Variants in CPSF2 observed in about 807,000 individuals in gnomAD.
The protein encoded by CPSF2 is cleavage and polyadenylation specific factor 2.
CPSF2 carries 51 observed loss-of-function variants against 84.2 expected under a neutral mutation model. That is an observed-to-expected ratio of 0.61 (90% CI 0.48 to 0.77). The LOEUF (loss-of-function observed/expected upper bound fraction) is 0.77, where lower values mean the gene tolerates loss of function less well. Among genes scored for constraint, CPSF2 ranks in the 30% least tolerant of loss-of-function variants. CPSF2 has a pLI of 0.00. For missense variants in CPSF2, 641 were observed against 929.4 expected (o/e 0.69, Z 4.03); for synonymous variants, 286 against 311.9 (o/e 0.92, Z 0.87).
intron 14 of CPSF2, among the ~76,000 whole-genome samples, chr14:92,160,498 A>T (rs2069357602): frequency 6.6e-6 from 1 of 152,230 alleles, no homozygotes; most frequent in South Asian, 2.1e-4. Flanking sequence ...GAATAGAGAG[A>T]CAGCCTCTGT....
intron 7 of CPSF2, 24 bp from the exon 8 acceptor site, chr14:92,142,140 G>C: frequency 6.4e-7 from 1 of 1,554,118 alleles, no homozygotes; most frequent in Non-Finnish European, 8.8e-7. Flanking sequence ...CGTTCTATGG[G>C]GATTTTACAT....
chr14:92,129,217 G>C (rs973313293), intron 2 of CPSF2, among the ~76,000 whole-genome samples: 3 of 152,092 alleles, frequency 2.0e-5, no homozygotes, highest in Non-Finnish European at 4.4e-5. Context: ...TGAGGGAACA[G>C]CCAGGTACCT....
chr14:92,134,797 C>T (rs2068977864), intron 5 of CPSF2, among the ~76,000 whole-genome samples: 1 of 152,120 alleles, frequency 6.6e-6, no homozygotes, highest in Non-Finnish European at 1.5e-5. Context: ...AAGTCCTATA[C>T]TAAGTCTATA....
rs1458998846 is a variant in CPSF2, at chr14:92,126,829, T to C, written c.-35+649T>C. On this transcript the variant is annotated intron_variant, in intron 2 of 15. Transcript: ENST00000298875. ...AGGAAACAAAAACAAGTCAATATATTTTAAATTTTAACTTACCAACAGTTA... is the reference window on the plus strand; with the variant it reads ...AGGAAACAAAAACAAGTCAATATATCTTAAATTTTAACTTACCAACAGTTA... Among the ~76,000 whole-genome samples, 3 of 152,182 alleles carry C rather than the reference T, an allele frequency of 2.0e-5. No homozygotes were observed. In the East Asian group the frequency reaches 5.8e-4, roughly 29 times the overall value.
chr14:92,122,896 C>T (rs1223625333), intron 1 of CPSF2, among the ~76,000 whole-genome samples: 1 of 150,530 alleles, frequency 6.6e-6, no homozygotes, highest in Admixed American at 6.6e-5. Flanking sequence ...ACTATGTTGC[C>T]CAGGCCGGTG....
In CPSF2 at chr14:92,155,128, A is replaced by G; in HGVS notation, c.1247A>G (p.Asp416Gly). The G allele has an allele frequency of 4.3e-6, 7 of 1,610,722 alleles. No individual in the cohort carries two copies. Among genetic ancestry groups the G allele is most frequent in the Non-Finnish European group, 5.9e-6 (7 of 1,176,914 alleles). Residue 416 changes from aspartate (D) to glycine (G), a missense_variant, in exon 11 of 16, where the codon GAT (aspartate) becomes GGT (glycine). By Grantham distance (94) the Asp-to-Gly change is moderately conservative. Transcript: ENST00000298875. Reference protein sequence around the residue: ...AKKLEQSKEADIDSSDESDIE... With the variant: ...AKKLEQSKEAGIDSSDESDIE... Reference sequence around the variant, plus strand: ...CTATTCTAAAATCCTCCTAGGGCAGATATAGATTCCAGTGATGAGAGTGAT... The same window carrying G: ...CTATTCTAAAATCCTCCTAGGGCAGGTATAGATTCCAGTGATGAGAGTGAT...
At chr14:92,154,607 C>T (rs2069264935) in intron 10 of CPSF2, 149 bp downstream of exon 10, 2 of 567,452 alleles carry the variant, frequency 3.5e-6, no homozygotes, top group Non-Finnish European at 3.2e-6. Context: ...AATACCAGAT[C>T]CTGTCAGTGC....
At chr14:92,133,719 G>A (rs986649652) in intron 3 of CPSF2, among the ~76,000 whole-genome samples, 7 of 151,804 alleles carry the variant, frequency 4.6e-5, no homozygotes, top group African/African-American at 1.7e-4. Flanking sequence ...GCCTGCCTTG[G>A]CCTCCCTAAG....
chr14:92,154,194 A>G, intron 9 of CPSF2, 164 bp from the exon 10 acceptor site: 1 of 524,040 alleles, frequency 1.9e-6, no homozygotes, highest in Admixed American at 3.3e-5. Context: ...TAATCTAAAT[A>G]GGACCTATAA....
chr14:92,157,816 GATATT>G lies in CPSF2; in HGVS notation c.1755_1759del (p.Asp585GlufsTer9). 1 of 1,614,188 alleles carries G rather than the reference GATATT, an allele frequency of 6.2e-7. No homozygotes were observed. Among genetic ancestry groups the G allele is most frequent in the South Asian group, 1.1e-5 (1 of 91,082 alleles). On this transcript the variant is annotated frameshift_variant, in exon 13 of 16. Transcript: ENST00000298875. LOFTEE classifies it high-confidence loss of function. The surrounding 1 kb of genome is among the most constrained non-coding windows in gnomAD (Gnocchi z 4.0). ...GTGCTGTCGCGCCTTTGGTGGGAAA[GATATT>G]AAAGTGTACATGCCAAAGCTACATG...
rs1284320392 is a variant in CPSF2 at position 92,166,996 on chromosome 14, T to C, written c.*5252T>C. 1.3e-5 allele frequency: 2 copies of C among 148,522 alleles called. No individual in the cohort carries two copies. Among genetic ancestry groups the C allele is most frequent in the Non-Finnish European group, 3.0e-5 (2 of 67,742 alleles). 9.2% of individuals were successfully genotyped at this position (148,522 alleles called of 1,614,324 possible). ...TTTTCATGTGAGTTTAGATTCTGCT[T>C]ATCGATTTCTTTTTTTTCTTTTTTT... On this transcript the variant is annotated 3_prime_UTR_variant, in exon 16 of 16. Coordinates refer to ENST00000298875, the MANE Select transcript of CPSF2 (RefSeq NM_017437.3).
rs1567031119 is a variant in CPSF2, at chr14:92,171,868, A to C, written c.*10124A>C. ...AAAAACTGGACTTCCAGAGTCTCCA[A>C]TACATTGGCTTATTTGTTCATTTTC... On this transcript the variant is annotated 3_prime_UTR_variant, in exon 16 of 16. Coordinates refer to ENST00000298875, the MANE Select transcript of CPSF2 (RefSeq NM_017437.3). 1 of 152,226 alleles carries C rather than the reference A, an allele frequency of 6.6e-6. No individual in the cohort carries two copies. The allele number at this position is 152,226 out of a possible 1,614,324, so 9.4% of individuals were successfully genotyped here. A position where few individuals can be genotyped will look rare whatever the true frequency, so the allele number is the denominator to read the frequency against.
rs1478256189 is a variant in CPSF2 at position 92,127,975 on chromosome 14, G to A, written c.-35+1795G>A. Among the ~76,000 whole-genome samples, 9 of 152,336 alleles carry A rather than the reference G, an allele frequency of 5.9e-5. No homozygotes were observed. In the South Asian group the frequency reaches 1.7e-3, roughly 28 times the overall value. On this transcript the variant is annotated intron_variant, in intron 2 of 15. Transcript: ENST00000298875. ...CTTTGAACAAAGAGGAGGAGGTGTG[G>A]AGTAGTAGTCTCAGAAACTGAAAGT...
At chr14:92,154,179 A>G (rs2069258543) in intron 9 of CPSF2, 179 bp from the exon 10 acceptor site, 1 of 470,344 alleles carries the variant, frequency 2.1e-6, no homozygotes, top group Admixed American at 3.6e-5. Flanking sequence ...GCTCAATTTT[A>G]ATACTAATCT....
At chr14:92,152,622 A>G (rs1429679996) in intron 9 of CPSF2, among the ~76,000 whole-genome samples, 4 of 151,586 alleles carry the variant, frequency 2.6e-5, no homozygotes, top group African/African-American at 9.7e-5. Context: ...TATTTATAGT[A>G]GAGACGGGGT....
intron 8 of CPSF2, 105 bp downstream of exon 8, chr14:92,142,456 T>C (rs767615197): frequency 1.9e-5 from 16 of 842,480 alleles, no homozygotes; most frequent in Non-Finnish European, 2.8e-5. Flanking sequence ...CTTGAAGAGA[T>C]TGTTAATAAG....
intron 3 of CPSF2, among the ~76,000 whole-genome samples, chr14:92,133,753 A>G (rs2068964850): frequency 6.6e-6 from 1 of 152,076 alleles, no homozygotes; most frequent in Non-Finnish European, 1.5e-5. Context: ...GGTGTGTGCC[A>G]TCACACATGG....
intron 6 of CPSF2, among the ~76,000 whole-genome samples, chr14:92,136,263 T>G (rs1193302392): frequency 6.6e-6 from 1 of 152,218 alleles, no homozygotes; most frequent in African/African-American, 2.4e-5. Flanking sequence ...TTAAGAAATA[T>G]TTAAGACAAA....
In CPSF2 at chr14:92,122,314, C is replaced by G. The variant is rs574343615; in HGVS notation, c.-94+186C>G. ...AGCGAGGGAAAGAGAAGTGACTTCT[C>G]CATGGGTTTCAAGCTCCCAGCTGTT... On this transcript the variant is annotated intron_variant, in intron 1 of 15. Transcript: ENST00000298875. 1.5e-5 allele frequency: 3 copies of G among 199,898 alleles called. No homozygotes were observed. The East Asian group carries it at 4.1e-4, about 27-fold the overall frequency. 12.4% of individuals were successfully genotyped at this position (199,898 alleles called of 1,614,324 possible). A position where few individuals can be genotyped will look rare whatever the true frequency, so the allele number is the denominator to read the frequency against.
Sources: gnomAD v4.1 joint callset for allele counts (sites outside exome capture counted in the v4.1 genomes callset) on GRCh38, gnomAD v4.1.1 for gene constraint, Gnocchi (gnomAD v3.1) non-coding constraint, MANE v1.5 for transcripts, NCBI Gene and HGNC (gene_info 2026-07-23, HGNC 2026-07-21) for gene names.